CCNH: variants seen among roughly 807,000 people sequenced by gnomAD.
The protein encoded by CCNH is cyclin H.
A neutral mutation model predicts 41.9 loss-of-function variants in CCNH; 31 were observed. The observed-to-expected ratio is 0.74, with a 90% CI of 0.56 to 1.00. CCNH has a LOEUF of 1.00. CCNH is among the 50% of genes least tolerant of loss of function. The pLI is 0.00. For missense variants in CCNH, 362 were observed against 388.4 expected (o/e 0.93, Z 0.57); for synonymous variants, 138 against 136.1 (o/e 1.01, Z -0.10).
chr5:87,332,629 T>G, intron 9 of CCNH: 1 of 1,610,570 alleles, frequency 6.2e-7, no homozygotes. Context: ...CTTTACCCAG[T>G]TGCACCACCA....
chr5:87,406,837 C>A (rs1226236489), intron 4 of CCNH, among the ~76,000 whole-genome samples: 2 of 152,158 alleles, frequency 1.3e-5, no homozygotes, highest in East Asian at 3.9e-4. Context: ...CCATTCTCCA[C>A]GTTATGCCTG....
chr5:87,330,199 A>G (rs969900780), intron 9 of CCNH, among the ~76,000 whole-genome samples: 1 of 152,148 alleles, frequency 6.6e-6, no homozygotes, highest in Non-Finnish European at 1.5e-5. Flanking sequence ...ATAAGTTTTA[A>G]GTTTCTGTGT....
chr5:87,366,247 A>G (rs1760504445), intron 9 of CCNH: 1 of 235,580 alleles, frequency 4.2e-6, no homozygotes, highest in Non-Finnish European at 9.2e-6. Flanking sequence ...GATACTTACA[A>G]CTGCAATTAG....
upstream of CCNH, among the ~76,000 whole-genome samples, chr5:87,381,537 G>A (rs1028863455): frequency 6.6e-6 from 1 of 152,168 alleles, no homozygotes; most frequent in South Asian, 2.1e-4. Flanking sequence ...TTGAAAATGT[G>A]TTAATCCTGC....
At chr5:87,346,553 A>T in intron 9 of CCNH, 2 of 566,132 alleles carry the variant, frequency 3.5e-6, no homozygotes, top group African/African-American at 1.9e-5. Context: ...AGATGATTTG[A>T]TTAATTGCAT....
intron 9 of CCNH, among the ~76,000 whole-genome samples, chr5:87,382,693 A>T (rs1761802531): frequency 6.6e-6 from 1 of 152,172 alleles, no homozygotes; most frequent in African/African-American, 2.4e-5. Context: ...TAGCAGATAA[A>T]ATCATATATG....
At chr5:87,348,665 T>A (rs931837682) in intron 9 of CCNH, among the ~76,000 whole-genome samples, 10 of 151,862 alleles carry the variant, frequency 6.6e-5, no homozygotes, top group Non-Finnish European at 1.3e-4. Flanking sequence ...AGATGCAGGA[T>A]CTTGCTGTGT....
At chr5:87,356,364 G>A (rs948878612) in intron 9 of CCNH, among the ~76,000 whole-genome samples, 2 of 151,830 alleles carry the variant, frequency 1.3e-5, no homozygotes, top group African/African-American at 4.8e-5. Flanking sequence ...ATGACTCACT[G>A]ACGTCCTAGA....
intron 9 of CCNH, among the ~76,000 whole-genome samples, chr5:87,321,290 C>T (rs550577374): frequency 2.6e-5 from 4 of 152,276 alleles, no homozygotes; most frequent in Non-Finnish European, 5.9e-5. Context: ...CTTCTGTGTC[C>T]AAATGCACAG....
At chr5:87,390,626 G>A (rs1476156507), downstream of CCNH, among the ~76,000 whole-genome samples, 1 of 152,084 alleles carries the variant, frequency 6.6e-6, no homozygotes, top group African/African-American at 2.4e-5. Context: ...TCTTAGTTAT[G>A]ACCAGAAATA....
chr5:87,392,517 C>G (rs996622186), downstream of CCNH: 7 of 368,378 alleles, frequency 1.9e-5, no homozygotes, highest in Non-Finnish European at 2.7e-5. Context: ...GGACTTGGAC[C>G]AACATAGTAT....
downstream of CCNH, among the ~76,000 whole-genome samples, chr5:87,388,485 C>T (rs1460866591): frequency 6.6e-6 from 1 of 152,082 alleles, no homozygotes; most frequent in Non-Finnish European, 1.5e-5. Flanking sequence ...GGAAAATCTC[C>T]AATTTTGGAT....
chr5:87,328,854 A>G (rs1008036405), intron 9 of CCNH, among the ~76,000 whole-genome samples: 4 of 152,140 alleles, frequency 2.6e-5, no homozygotes, highest in Non-Finnish European at 5.9e-5. Context: ...AGGTTCTAGA[A>G]ATCTGTAAGG....
At chr5:87,324,664 C>A (rs1161448019) in intron 9 of CCNH, among the ~76,000 whole-genome samples, 1 of 152,154 alleles carries the variant, frequency 6.6e-6, no homozygotes, top group African/African-American at 2.4e-5. Context: ...TGCACACACA[C>A]ATACATATGC....
chr5:87,374,455 ATATATTTTT>A, downstream of CCNH: 1 of 264,206 alleles, frequency 3.8e-6, no homozygotes. Flanking sequence ...ATATATATAT[ATATATTTTT>A]TTTTTTTTTT....
chr5:87,393,111 T>TAAAGA (rs1488142788), downstream of CCNH, among the ~76,000 whole-genome samples: 1 of 150,942 alleles, frequency 6.6e-6, no homozygotes, highest in Admixed American at 6.6e-5. Flanking sequence ...GCCTACAGTG[T>TAAAGA]AAAGAATTAT....
At chr5:87,329,326 C>G (rs561668541) in intron 9 of CCNH, among the ~76,000 whole-genome samples, 25 of 150,894 alleles carry the variant, frequency 1.7e-4, no homozygotes, top group African/African-American at 6.1e-4. Context: ...TCTGCAGTCT[C>G]GGCTACTTGG....
exon 1 of CCNH, chr5:87,376,438 C>T: frequency 1.2e-6 from 2 of 1,613,970 alleles, no homozygotes; most frequent in South Asian, 2.2e-5. Context: ...GGGCATGCCA[C>T]AGATGAATGG....
chr5:87,383,859 C>CTT (rs370865130), intron 9 of CCNH: 549 of 896,174 alleles, frequency 6.1e-4, no homozygotes, highest in South Asian at 1.5e-3. Context: ...ACTCTTAAAT[C>CTT]TTTTTTTTTT....
Sources: gnomAD v4.1 joint callset for allele counts (sites outside exome capture counted in the v4.1 genomes callset) on GRCh38, gnomAD v4.1.1 for gene constraint, MANE v1.5 for transcripts, NCBI Gene and HGNC (gene_info 2026-07-23, HGNC 2026-07-21) for gene names.